The following COL15A1 variants were observed in gnomAD, a reference collection of about 807,000 sequenced individuals.
The protein encoded by COL15A1 is collagen type XV alpha 1 chain.
COL15A1 carries 111 observed loss-of-function variants against 165.9 expected under a neutral mutation model. The ratio of observed to expected loss-of-function variants is 0.67; its 90% CI spans 0.57 to 0.78. The LOEUF (loss-of-function observed/expected upper bound fraction) is 0.78, where lower values mean the gene tolerates loss of function less well. Ranked by LOEUF, COL15A1 falls within the 30% of genes least tolerant of loss-of-function variation. The pLI is 0.00. For missense variants in COL15A1, 1,745 were observed against 1,789.7 expected (o/e 0.98, Z 0.45); for synonymous variants, 659 against 674.8 (o/e 0.98, Z 0.36).
At chr9:98,976,853 C>T (rs530648709) in intron 2 of COL15A1, among the ~76,000 whole-genome samples, 2 of 152,148 alleles carry the variant, frequency 1.3e-5, no homozygotes, top group South Asian at 2.1e-4. Flanking sequence ...AGTGCAGGAG[C>T]GGGAATGCCC....
At chr9:99,032,424 G>T (rs895553581) in intron 16 of COL15A1, among the ~76,000 whole-genome samples, 1 of 152,064 alleles carries the variant, frequency 6.6e-6, no homozygotes. Context: ...TCCTGACCTT[G>T]TGATCTGCCC....
At chr9:98,974,376 T>C (rs1342075408) in intron 2 of COL15A1, among the ~76,000 whole-genome samples, 1 of 152,060 alleles carries the variant, frequency 6.6e-6, no homozygotes, top group Non-Finnish European at 1.5e-5. Flanking sequence ...CCAGATGTGA[T>C]TTAGACATAC....
intron 2 of COL15A1, among the ~76,000 whole-genome samples, chr9:98,979,837 T>C (rs1838205653): frequency 1.3e-5 from 2 of 152,150 alleles, no homozygotes; most frequent in South Asian, 2.1e-4. Flanking sequence ...TCCTCTCTAT[T>C]AACCTTAGTT....
chr9:99,003,371 G>A (rs555324090), intron 7 of COL15A1, 82 bp from the exon 8 acceptor site: 9 of 1,138,486 alleles, frequency 7.9e-6, no homozygotes, highest in African/African-American at 1.6e-5. Context: ...GCTGGAGAAG[G>A]CTAGGCAGTC....
rs570127929 is a variant in COL15A1 at position 99,051,925 on chromosome 9, T to C, written c.2905-463T>C. The stretch of plus-strand genomic sequence containing the variant: ...ATGATAACCCCCTTTGCTAATTACC[T>C]GCCCATGATGCTCATCTTTGATTAC... On this transcript the variant is annotated intron_variant, in intron 30 of 41. Coordinates refer to ENST00000375001, the MANE Select transcript of COL15A1 (RefSeq NM_001855.5). 5.1e-4 allele frequency among the ~76,000 whole-genome samples: 78 copies of C among 152,356 alleles called. No individual in the cohort carries two copies. The South Asian group carries it at 0.016, about 31-fold the overall frequency.
At chr9:98,954,462 A>T (rs1050715996) in intron 2 of COL15A1, among the ~76,000 whole-genome samples, 1 of 152,150 alleles carries the variant, frequency 6.6e-6, no homozygotes, top group Non-Finnish European at 1.5e-5. Context: ...TTCCCCCTTA[A>T]CAATCATCTA....
At chr9:98,969,585 C>T (rs1352786292) in intron 2 of COL15A1, among the ~76,000 whole-genome samples, 1 of 152,216 alleles carries the variant, frequency 6.6e-6, no homozygotes, top group Non-Finnish European at 1.5e-5. Context: ...GTCAGCAGAG[C>T]CCCGCTCCTG....
chr9:99,015,411 T>C lies in COL15A1; in HGVS notation c.1354-6T>C. The C allele has an allele frequency of 6.2e-7, 1 of 1,604,772 alleles. No individual in the cohort carries two copies. The highest frequency in any genetic ancestry group is 2.2e-5 in the East Asian group (1 of 44,832). On this transcript the variant is annotated splice_polypyrimidine_tract_variant and splice_region_variant and intron_variant, in intron 9 of 41. Transcript: ENST00000375001. The stretch of plus-strand genomic sequence containing the variant: ...GGCACAGCTCCTCATGCCAATTTCA[T>C]TTCAGGGTCCAAGCAGTGAAGACAG...
chr9:99,021,930 G>C (rs60878369), intron 12 of COL15A1, among the ~76,000 whole-genome samples, 161 bp from the exon 13 acceptor site: 5,189 of 152,322 alleles, frequency 0.034, 288 homozygotes, highest in African/African-American at 0.12. Context: ...TGAGCCCTGG[G>C]GTGGGACAAG....
rs963503045 is a variant in COL15A1, at chr9:98,974,742, C to T, written c.101-10823C>T. On this transcript the variant is annotated intron_variant, in intron 2 of 41. Coordinates refer to ENST00000375001, the MANE Select transcript of COL15A1 (RefSeq NM_001855.5). ...GTCATCTGGACCCCCTCAGCCCCGG[C>T]CCCCCAGTGGGAATACACCCACCCG... 3.2e-4 allele frequency among the ~76,000 whole-genome samples: 48 copies of T among 152,190 alleles called. 1 individual carries two copies. The highest frequency in any genetic ancestry group is 1.1e-3 in the African/African-American group (46 of 41,444).
chr9:98,987,412 A>C (rs753978234), intron 4 of COL15A1, 44 bp downstream of exon 4: 14 of 1,541,626 alleles, frequency 9.1e-6, no homozygotes, highest in African/African-American at 2.8e-5. Context: ...CAACCCCAGC[A>C]GCCGCAGCCT....
chr9:98,999,236 G>C (rs547555191), intron 6 of COL15A1, among the ~76,000 whole-genome samples: 8 of 152,376 alleles, frequency 5.3e-5, no homozygotes, highest in Admixed American at 4.6e-4. Flanking sequence ...CCGGGGACAG[G>C]CTGACCTGGC....
chr9:98,973,790 A>T (rs1394270944), intron 2 of COL15A1, among the ~76,000 whole-genome samples: 1 of 152,194 alleles, frequency 6.6e-6, no homozygotes, highest in Admixed American at 6.5e-5. Flanking sequence ...TCCAGGCCTG[A>T]AGGCTGTGGA....
intron 9 of COL15A1, among the ~76,000 whole-genome samples, chr9:99,006,623 CCTT>C (rs145957432): frequency 0.062 from 9,361 of 152,176 alleles, 387 homozygotes; most frequent in Non-Finnish European, 0.087. Context: ...GTCTCCTTCT[CCTT>C]CTTCTTCCTC....
intron 31 of COL15A1, among the ~76,000 whole-genome samples, chr9:99,053,270 G>A (rs1484954409): frequency 6.6e-6 from 1 of 152,216 alleles, no homozygotes; most frequent in Admixed American, 6.5e-5. Flanking sequence ...GGCCCACGAG[G>A]TGGTGGTCTC....
intron 5 of COL15A1, among the ~76,000 whole-genome samples, chr9:98,992,708 A>G (rs1838465399): frequency 6.6e-6 from 1 of 152,212 alleles, no homozygotes; most frequent in Non-Finnish European, 1.5e-5. Context: ...CCTGCAAGGT[A>G]GGTGGCATCA....
At position 98,943,984 on chromosome 9, in the gene COL15A1, C is replaced by A. The variant is rs966492426; in HGVS notation, c.-78C>A. 1.1e-5 allele frequency: 18 copies of A among 1,586,304 alleles called. No individual in the cohort carries two copies. The African/African-American group carries it at 2.3e-4, about 20-fold the overall frequency. On this transcript the variant is annotated 5_prime_UTR_variant, in exon 1 of 42. Transcript: ENST00000375001. The stretch of plus-strand genomic sequence containing the variant: ...GGCGAGCGCGGCGGCCAGCGCTCAG[C>A]GACCCTTCGTCCTCCGCTAAGCTCC...
intron 6 of COL15A1, among the ~76,000 whole-genome samples, chr9:98,997,477 C>A (rs1241075910): frequency 6.6e-6 from 1 of 152,200 alleles, no homozygotes; most frequent in African/African-American, 2.4e-5. Context: ...CGACAGCATA[C>A]CGCCTACTCA....
chr9:98,962,311 C>T (rs765526703), intron 2 of COL15A1, among the ~76,000 whole-genome samples: 9 of 152,228 alleles, frequency 5.9e-5, no homozygotes, highest in East Asian at 1.9e-4. Flanking sequence ...ACCCGTGAGA[C>T]GTGGGGGATG....
Sources: allele counts gnomAD v4.1 joint callset (sites outside exome capture counted in the v4.1 genomes callset), GRCh38; gene constraint gnomAD v4.1.1; transcripts MANE v1.5; gene names NCBI Gene and HGNC (gene_info 2026-07-23, HGNC 2026-07-21).